MAPKBP1: variants seen among roughly 807,000 people sequenced by gnomAD.
The protein encoded by MAPKBP1 is mitogen-activated protein kinase-binding protein 1.
In MAPKBP1, 71 loss-of-function variants were observed where a neutral mutation model predicts 170.5. That is an observed-to-expected ratio of 0.42 (90% CI 0.34 to 0.51). The LOEUF (loss-of-function observed/expected upper bound fraction) is 0.51, where lower values mean the gene tolerates loss of function less well. Ranked by LOEUF, MAPKBP1 falls within the 20% of genes least tolerant of loss-of-function variation. The probability of loss-of-function intolerance (pLI) is 0.06; values close to 1 mark genes in which losing one functional copy is unlikely to be tolerated. For synonymous variants in MAPKBP1, 719 were observed against 757.9 expected (o/e 0.95, Z 0.84); for missense variants, 1,598 against 1,933.0 (o/e 0.83, Z 3.25).
At chr15:41,819,528 G>C in intron 21 of MAPKBP1, 67 bp from the exon 22 acceptor site, 2 of 1,532,876 alleles carry the variant, frequency 1.3e-6, no homozygotes, top group Non-Finnish European at 1.8e-6. Context: ...GATGGGGCCA[G>C]GGCTCCAGGG....
Position 41,815,411 on chromosome 15 carries a change from C to A in MAPKBP1, c.1317+6C>A, listed in dbSNP as rs747788536. ...ACCGAAACATCCTCAGCAGTGTGAG[C>A]CCTGAGGCTGTGGGGCCCCGCTTCA... is the stretch of plus-strand genomic sequence containing the variant. On this transcript the variant is annotated splice_donor_region_variant and intron_variant, in intron 11 of 30. Transcript: ENST00000457542. 3.7e-5 allele frequency: 60 copies of A among 1,613,736 alleles called. No individual in the cohort carries two copies. Among genetic ancestry groups the A allele is most frequent in the Non-Finnish European group, 5.0e-5 (59 of 1,179,806 alleles).
chr15:41,818,105 C>G lies in MAPKBP1; in HGVS notation c.1980+21C>G. On this transcript the variant is annotated intron_variant, in intron 17 of 30. Coordinates refer to ENST00000457542, the MANE Select transcript of MAPKBP1 (RefSeq NM_014994.3). This position sits in a 1 kb window ranked among gnomAD's most constrained non-coding sequence, Gnocchi z 5.2. ...TTAAGGTAAGGACCCAGAGGGGGTA[C>G]TGGACAGGGGCTCGGGGACAGAGTG... The G allele has an allele frequency of 6.2e-7, 1 of 1,613,470 alleles. No individual in the cohort carries two copies. The highest frequency in any genetic ancestry group is 8.5e-7 in the Non-Finnish European group (1 of 1,179,408).
intron 3 of MAPKBP1, among the ~76,000 whole-genome samples, chr15:41,803,259 C>T (rs2064629856): frequency 6.6e-6 from 1 of 151,474 alleles, no homozygotes; most frequent in South Asian, 2.1e-4. Context: ...TAGCAAAATA[C>T]AAAAATTAGC....
intron 3 of MAPKBP1, among the ~76,000 whole-genome samples, chr15:41,802,877 G>A (rs2064622367): frequency 6.6e-6 from 1 of 152,060 alleles, no homozygotes. Context: ...TTAGCCTAGC[G>A]CATAGAACTA....
intron 10 of MAPKBP1, among the ~76,000 whole-genome samples, chr15:41,814,989 C>T (rs566836635): frequency 1.3e-5 from 2 of 152,250 alleles, no homozygotes; most frequent in East Asian, 3.9e-4. Flanking sequence ...AGTTTCCTCA[C>T]CTGTAAAATG....
At chr15:41,813,207 G>T in intron 8 of MAPKBP1, 106 bp downstream of exon 8, 2 of 1,522,366 alleles carry the variant, frequency 1.3e-6, no homozygotes, top group Non-Finnish European at 1.8e-6. Context: ...GCATACGGGA[G>T]ATCCCAGGAG....
chr15:41,818,597 G>A lies in MAPKBP1; in HGVS notation c.2156+15G>A. The A allele has an allele frequency of 6.2e-7, 1 of 1,607,296 alleles. No homozygotes were observed. The highest frequency in any genetic ancestry group is 1.3e-5 in the African/African-American group (1 of 74,770). On this transcript the variant is annotated intron_variant, in intron 19 of 30. Coordinates refer to ENST00000457542, the MANE Select transcript of MAPKBP1 (RefSeq NM_014994.3). The surrounding 1 kb of genome is among the most constrained non-coding windows in gnomAD (Gnocchi z 5.2). ...TCTGGGGACAGGTGAGCAGAAGCCA[G>A]CTTCCCTGAGAGGCAGATTCTTACT...
At chr15:41,776,143 T>G (rs779997575) in intron 2 of MAPKBP1, among the ~76,000 whole-genome samples, 2 of 152,262 alleles carry the variant, frequency 1.3e-5, no homozygotes. Context: ...CCAGAAGTAG[T>G]CGACATTTAT....
chr15:41,781,478 A>G (rs904150590), intron 2 of MAPKBP1, among the ~76,000 whole-genome samples: 19 of 149,264 alleles, frequency 1.3e-4, no homozygotes, highest in African/African-American at 4.5e-4. Flanking sequence ...AGCTAAAGAT[A>G]TTTTCCTTTC....
At chr15:41,824,103 A>ACT in intron 29 of MAPKBP1, 42 bp downstream of exon 29, 2 of 1,544,056 alleles carry the variant, frequency 1.3e-6, no homozygotes, top group South Asian at 2.4e-5. Flanking sequence ...CCCCATCCTT[A>ACT]CTCTCCCCTC....
At chr15:41,819,469 G>A (rs374483011) in intron 21 of MAPKBP1, 90 bp downstream of exon 21, 6 of 1,594,438 alleles carry the variant, frequency 3.8e-6, no homozygotes, top group South Asian at 3.3e-5. Context: ...TGAGAGCAGT[G>A]TGAGCTGAGG....
In MAPKBP1 at chr15:41,786,777, A is replaced by AAAAAATAT; in HGVS notation, c.114+11389_114+11390insAAAATATA. On this transcript the variant is annotated intron_variant, in intron 2 of 30. Coordinates refer to ENST00000457542, the MANE Select transcript of MAPKBP1 (RefSeq NM_014994.3). ...CAGACTCCGTCTAAAAAAAAAAAAA[A>AAAAAATAT]ATATATATATATATATATATATATA... Among the ~76,000 whole-genome samples the AAAAAATAT allele has an allele frequency of 2.3e-3, 74 of 32,420 alleles. 3 individuals carry two copies. In the East Asian group the frequency reaches 0.032, roughly 14 times the overall value. 21.3% of individuals were successfully genotyped at this position (32,420 alleles called of 152,430 possible). A position where few individuals can be genotyped will look rare whatever the true frequency, so the allele number is the denominator to read the frequency against.
At chr15:41,800,561 C>T (rs569352832) in intron 3 of MAPKBP1, among the ~76,000 whole-genome samples, 111 of 152,292 alleles carry the variant, frequency 7.3e-4, no homozygotes, top group African/African-American at 2.5e-3. Context: ...TGTTGAACTC[C>T]TGAGCTCAAG....
rs150589459 is a variant in MAPKBP1 at position 41,792,741 on chromosome 15, A to G, written c.115-7082A>G. Among the ~76,000 whole-genome samples the G allele has an allele frequency of 9.2e-3, 1,395 of 152,238 alleles. 10 individuals carry two copies. Among genetic ancestry groups the G allele is most frequent in the Non-Finnish European group, 0.014 (927 of 68,020 alleles). On this transcript the variant is annotated intron_variant, in intron 2 of 30. Transcript: ENST00000457542. ...CGGCATTTGGGCCTTGAAGGTTTGG[A>G]GCTGAAGTTCCTGTCAGAACTTTGG...
chr15:41,795,752 G>T (rs1340656133), intron 2 of MAPKBP1, among the ~76,000 whole-genome samples: 1 of 152,130 alleles, frequency 6.6e-6, no homozygotes, highest in Non-Finnish European at 1.5e-5. Flanking sequence ...GACTACAGGT[G>T]CACGGCGTCA....
chr15:41,816,011 T>C (rs536019017), intron 12 of MAPKBP1, among the ~76,000 whole-genome samples: 1 of 152,370 alleles, frequency 6.6e-6, no homozygotes, highest in African/African-American at 2.4e-5. Flanking sequence ...ATTAAGCCCA[T>C]GATAGGATGT....
intron 2 of MAPKBP1, among the ~76,000 whole-genome samples, chr15:41,775,617 A>G (rs1241196868): frequency 6.6e-6 from 1 of 152,246 alleles, no homozygotes; most frequent in Non-Finnish European, 1.5e-5. Flanking sequence ...TAGGAAGACC[A>G]CCTGGGTTCA....
chr15:41,812,239 A>C, intron 6 of MAPKBP1, 112 bp downstream of exon 6: 1 of 1,429,142 alleles, frequency 7.0e-7, no homozygotes, highest in Non-Finnish European at 9.6e-7. Flanking sequence ...AACCATTCTC[A>C]TTCTAGAAAG....
At position 41,824,064 on chromosome 15, in the gene MAPKBP1, G is replaced by T; in HGVS notation, c.4213+3G>T. On this transcript the variant is annotated splice_donor_region_variant and intron_variant, in intron 29 of 30. Transcript: ENST00000457542. ...GGCAGCCCTGAGCCAGGACTCAGGT[G>T]TGCACAGCTCCCCAGCTCTCATCTC... 3.8e-6 allele frequency: 6 copies of T among 1,593,974 alleles called. No individual in the cohort carries two copies. The highest frequency in any genetic ancestry group is 5.1e-6 in the Non-Finnish European group (6 of 1,173,928).
Sources: gnomAD v4.1 joint callset for allele counts (sites outside exome capture counted in the v4.1 genomes callset) on GRCh38, gnomAD v4.1.1 for gene constraint, Gnocchi (gnomAD v3.1) non-coding constraint, MANE v1.5 for transcripts, NCBI Gene and HGNC (gene_info 2026-07-23, HGNC 2026-07-21) for gene names.